AFAP1L1: variants seen among roughly 807,000 people sequenced by gnomAD.
AFAP1L1 encodes actin filament associated protein 1 like 1.
A neutral mutation model predicts 99.8 loss-of-function variants in AFAP1L1; 77 were observed. The observed-to-expected ratio is 0.77, with a 90% confidence interval of 0.64 to 0.93. AFAP1L1 has a LOEUF of 0.93. AFAP1L1 is among the 40% of genes least tolerant of loss of function. AFAP1L1 has a pLI of 0.00. For synonymous variants in AFAP1L1, 373 were observed against 395.3 expected (o/e 0.94, Z 0.67); for missense variants, 893 against 996.8 (o/e 0.90, Z 1.40).
chr5:149,326,264 C>T (rs1199399104), intron 15 of AFAP1L1, among the ~76,000 whole-genome samples: 1 of 152,276 alleles, frequency 6.6e-6, no homozygotes, highest in East Asian at 1.9e-4. Flanking sequence ...CTCAGCCGGG[C>T]GTGATGGCTC....
chr5:149,302,504 G>A lies in AFAP1L1; in HGVS notation c.414G>A (p.Ser138=), dbSNP rs371295823. 2.4e-5 allele frequency: 38 copies of A among 1,586,734 alleles called. 1 individual carries two copies. Among genetic ancestry groups the A allele is most frequent in the South Asian group, 3.5e-5 (3 of 86,608 alleles). The change falls in exon 5 of 19, where the codon TCG becomes TCA. Residue 138 remains serine (S), a synonymous_variant. Coordinates refer to ENST00000296721, the MANE Select transcript of AFAP1L1 (RefSeq NM_152406.4). The part of the protein sequence containing the change: ...EEALPLGPGK[S]PEYISSHNGC... ...CCCTTCCTCTGGGACCCGGCAAGTCGCCTGAGTACATCAGCTCCCACAGTA... is the reference window on the plus strand; with the variant it reads ...CCCTTCCTCTGGGACCCGGCAAGTCACCTGAGTACATCAGCTCCCACAGTA...
intron 17 of AFAP1L1, among the ~76,000 whole-genome samples, chr5:149,333,232 T>C (rs1007653486): frequency 1.3e-5 from 2 of 152,224 alleles, no homozygotes; most frequent in African/African-American, 2.4e-5. Flanking sequence ...ACCTGTATTA[T>C]CTCACACAAT....
intron 1 of AFAP1L1, among the ~76,000 whole-genome samples, chr5:149,286,448 A>G (rs1755682463): frequency 6.6e-6 from 1 of 152,194 alleles, no homozygotes; most frequent in African/African-American, 2.4e-5. Flanking sequence ...TTTAAACTCT[A>G]TTGAATAGAA....
chr5:149,335,095 C>T (rs1757365937), intron 17 of AFAP1L1, among the ~76,000 whole-genome samples: 1 of 152,224 alleles, frequency 6.6e-6, no homozygotes, highest in Non-Finnish European at 1.5e-5. Flanking sequence ...TAGTGAGGTT[C>T]AGTAATTTTA....
intron 17 of AFAP1L1, 27 bp downstream of exon 17, chr5:149,332,900 G>A: frequency 2.0e-6 from 3 of 1,533,448 alleles, no homozygotes; most frequent in Non-Finnish European, 2.6e-6. Context: ...CCATGCCAGG[G>A]GCAGCTACTC....
At chr5:149,331,358 C>T (rs995123143) in intron 16 of AFAP1L1, among the ~76,000 whole-genome samples, 14 of 152,202 alleles carry the variant, frequency 9.2e-5, no homozygotes, top group South Asian at 2.1e-4. Flanking sequence ...CGGTGGCTCA[C>T]GCCTGTAATC....
At chr5:149,302,743 C>A in intron 5 of AFAP1L1, 1 of 484,900 alleles carries the variant, frequency 2.1e-6, no homozygotes, top group Non-Finnish European at 3.7e-6. Flanking sequence ...GGCTTAGGTT[C>A]TAGTCCCAGA....
At chr5:149,308,714 C>T (rs1361299144) in intron 7 of AFAP1L1, among the ~76,000 whole-genome samples, 1 of 152,084 alleles carries the variant, frequency 6.6e-6, no homozygotes, top group Non-Finnish European at 1.5e-5. Context: ...TTTTTCTCCA[C>T]ATATTGCAGT....
intron 17 of AFAP1L1, 94 bp downstream of exon 17, chr5:149,332,967 G>C: frequency 1.4e-6 from 2 of 1,408,338 alleles, no homozygotes; most frequent in Non-Finnish European, 1.9e-6. Flanking sequence ...TGGAGGTAGG[G>C]GTTATGCCCA....
intron 5 of AFAP1L1, among the ~76,000 whole-genome samples, chr5:149,305,174 G>A (rs192132379): frequency 2.6e-5 from 4 of 152,326 alleles, no homozygotes; most frequent in East Asian, 3.9e-4. Context: ...AAGAATTGAC[G>A]TGCATTGTAT....
At chr5:149,333,533 G>A (rs1352113481) in intron 17 of AFAP1L1, among the ~76,000 whole-genome samples, 1 of 152,198 alleles carries the variant, frequency 6.6e-6, no homozygotes, top group Admixed American at 6.5e-5. Context: ...GCAACTCTCT[G>A]AGGAAGATAC....
intron 1 of AFAP1L1, among the ~76,000 whole-genome samples, chr5:149,272,780 G>A (rs1755169732): frequency 7.1e-6 from 1 of 140,478 alleles, no homozygotes; most frequent in Admixed American, 7.8e-5. Flanking sequence ...TTGGCTCACT[G>A]CAACCTCCGC....
chr5:149,312,230 C>G, intron 9 of AFAP1L1, 26 bp downstream of exon 9: 3 of 1,611,056 alleles, frequency 1.9e-6, no homozygotes, highest in South Asian at 1.1e-5. Flanking sequence ...CTAAGTCTTC[C>G]CCAGGCCAGG....
At chr5:149,286,239 C>G (rs780678092) in intron 1 of AFAP1L1, among the ~76,000 whole-genome samples, 5 of 152,008 alleles carry the variant, frequency 3.3e-5, no homozygotes, top group Non-Finnish European at 5.9e-5. Context: ...TCACAACAGC[C>G]CTGTGAGGAA....
chr5:149,301,395 G>A (rs1756206094), intron 4 of AFAP1L1, among the ~76,000 whole-genome samples, 165 bp downstream of exon 4: 1 of 152,132 alleles, frequency 6.6e-6, no homozygotes, highest in African/African-American at 2.4e-5. Context: ...ACATTTCAAT[G>A]GCCCGTGATG....
intron 4 of AFAP1L1, 128 bp downstream of exon 4, chr5:149,301,358 G>T (rs1428487922): frequency 2.7e-6 from 2 of 728,746 alleles, no homozygotes; most frequent in Non-Finnish European, 4.6e-6. Flanking sequence ...TCGGGTTGTG[G>T]GTGAGGGCAC....
chr5:149,279,718 C>T lies in AFAP1L1; in HGVS notation c.16+7734C>T, dbSNP rs1453983034. ...CTGCCCTCTGCACACTTTGCCAGCT[C>T]GCTTTGGACCCCCACCTACCTCTTG... is the stretch of plus-strand genomic sequence containing the variant. On this transcript the variant is annotated intron_variant, in intron 1 of 18. Transcript: ENST00000296721. Among the ~76,000 whole-genome samples, 5 of 152,306 alleles carry T rather than the reference C, an allele frequency of 3.3e-5. No homozygotes were observed. In the South Asian group the frequency reaches 6.2e-4, roughly 19 times the overall value.
In AFAP1L1 at chr5:149,319,162, A is replaced by T. The variant is rs372087015; in HGVS notation, c.1480-420A>T. Reference sequence around the variant, plus strand: ...GAGATTTTCCTATACACAGTATTGTACTTATTTGGCAACTATAACACAAGA... The same window carrying T: ...GAGATTTTCCTATACACAGTATTGTTCTTATTTGGCAACTATAACACAAGA... On this transcript the variant is annotated intron_variant, in intron 12 of 18. Coordinates refer to ENST00000296721, the MANE Select transcript of AFAP1L1 (RefSeq NM_152406.4). Among the ~76,000 whole-genome samples, 112 of 152,358 alleles carry T rather than the reference A, an allele frequency of 7.4e-4. 1 individual carries two copies. Among genetic ancestry groups the T allele is most frequent in the African/African-American group, 2.6e-3 (108 of 41,580 alleles).
chr5:149,282,515 A>G (rs1755551465), intron 1 of AFAP1L1, among the ~76,000 whole-genome samples: 1 of 152,192 alleles, frequency 6.6e-6, no homozygotes, highest in African/African-American at 2.4e-5. Context: ...AGGTTGAAGT[A>G]TTAGAGTGCA....
Sources: gnomAD v4.1 joint callset for allele counts (sites outside exome capture counted in the v4.1 genomes callset) on GRCh38, gnomAD v4.1.1 for gene constraint, MANE v1.5 for transcripts, NCBI Gene and HGNC (gene_info 2026-07-23, HGNC 2026-07-21) for gene names.